The following NRXN1 variants were observed in gnomAD, a reference collection of about 807,000 sequenced individuals.
NRXN1 encodes the protein neurexin 1, also known as neurexin-1.
In NRXN1, 39 loss-of-function variants were observed where a neutral mutation model predicts 150.9. That is an observed-to-expected ratio of 0.26 (90% CI 0.20 to 0.34). The LOEUF is 0.34. Ranked by LOEUF, NRXN1 falls within the 10% of genes least tolerant of loss-of-function variation. NRXN1 has a pLI of 1.00. For synonymous variants in NRXN1, 924 were observed against 757.0 expected, an observed-to-expected ratio of 1.22 and a Z score of -3.62; for missense variants, 1,815 against 1,949.9, an observed-to-expected ratio of 0.93 and a Z score of 1.30.
At chr2:50,003,249 G>A (rs1482624830) in intron 21 of NRXN1, among the ~76,000 whole-genome samples, 1 of 152,038 alleles carries the variant, frequency 6.6e-6, no homozygotes, top group Non-Finnish European at 1.5e-5. Flanking sequence ...TCAGAGGCTT[G>A]GGGAAGAGAA....
intron 17 of NRXN1, among the ~76,000 whole-genome samples, chr2:50,293,911 G>A (rs1322544533): frequency 1.3e-5 from 2 of 152,164 alleles, no homozygotes; most frequent in Non-Finnish European, 1.5e-5. Context: ...ATTTTTCACA[G>A]TAACCTAAAT....
chr2:49,971,843 C>G (rs1443573509), intron 21 of NRXN1, among the ~76,000 whole-genome samples: 1 of 151,986 alleles, frequency 6.6e-6, no homozygotes, highest in Non-Finnish European at 1.5e-5. Context: ...CCTTAAGGTA[C>G]CAAAAGTAAA....
At chr2:49,978,789 T>C (rs925698182) in intron 21 of NRXN1, among the ~76,000 whole-genome samples, 6 of 151,566 alleles carry the variant, frequency 4.0e-5, no homozygotes, top group African/African-American at 1.5e-4. Flanking sequence ...GAAAACTACA[T>C]GTCACAATTC....
At chr2:50,456,980 T>C (rs1036849006) in intron 17 of NRXN1, among the ~76,000 whole-genome samples, 2 of 152,294 alleles carry the variant, frequency 1.3e-5, no homozygotes, top group Middle Eastern at 3.4e-3. Context: ...ACTATACAGA[T>C]TGTGAATCTG....
At chr2:50,886,476 G>C (rs1299125746) in intron 5 of NRXN1, among the ~76,000 whole-genome samples, 3 of 151,158 alleles carry the variant, frequency 2.0e-5, no homozygotes, top group Non-Finnish European at 1.5e-5. Flanking sequence ...ATTTGCATTA[G>C]GACACACAAA....
chr2:50,053,830 GAT>G (rs201635780), intron 20 of NRXN1, among the ~76,000 whole-genome samples: 3 of 152,110 alleles, frequency 2.0e-5, no homozygotes, highest in Non-Finnish European at 2.9e-5. Context: ...ACCAATCAAA[GAT>G]ATGTATTACA....
At chr2:50,912,461 T>G (rs879470054) in intron 5 of NRXN1, among the ~76,000 whole-genome samples, 3 of 151,964 alleles carry the variant, frequency 2.0e-5, no homozygotes, top group African/African-American at 4.8e-5. Flanking sequence ...TTGCAATAAA[T>G]CAAGATGATA....
intron 16 of NRXN1, among the ~76,000 whole-genome samples, chr2:50,465,791 A>G (rs757918255): frequency 1.6e-4 from 25 of 151,936 alleles, no homozygotes; most frequent in Admixed American, 1.1e-3. Context: ...CTAAACCAAC[A>G]AATAGCAAAA....
At chr2:50,530,467 A>G (rs1386253231) in intron 11 of NRXN1, among the ~76,000 whole-genome samples, 1 of 152,194 alleles carries the variant, frequency 6.6e-6, no homozygotes. Flanking sequence ...AACTGCTTAA[A>G]CAAATTTTAA....
At chr2:49,979,974 ATATGCTTT>A (rs1679715717) in intron 21 of NRXN1, among the ~76,000 whole-genome samples, 1 of 147,470 alleles carries the variant, frequency 6.8e-6, no homozygotes, top group South Asian at 2.1e-4. Context: ...ATCTAGGTAT[ATATGCTTT>A]GTAAAAAGCA....
chr2:50,694,794 C>G (rs4971689), intron 5 of NRXN1, among the ~76,000 whole-genome samples: 49,814 of 152,004 alleles, frequency 0.33, 8,794 homozygotes, highest in East Asian at 0.55. Flanking sequence ...AAAATGCTCT[C>G]TGGAACAAAA....
At chr2:50,846,864 G>A (rs1673732216) in intron 5 of NRXN1, among the ~76,000 whole-genome samples, 2 of 152,096 alleles carry the variant, frequency 1.3e-5, no homozygotes, top group African/African-American at 4.8e-5. Context: ...AGTTTTTTGT[G>A]GCATGAAAAG....
chr2:50,062,129 T>G (rs1275720672), intron 19 of NRXN1, among the ~76,000 whole-genome samples: 2 of 152,194 alleles, frequency 1.3e-5, no homozygotes, highest in East Asian at 3.8e-4. Flanking sequence ...CCCTCTATTT[T>G]GATTAAATCC....
intron 5 of NRXN1, among the ~76,000 whole-genome samples, chr2:50,828,822 G>C (rs1319098129): frequency 6.6e-6 from 1 of 152,138 alleles, no homozygotes; most frequent in African/African-American, 2.4e-5. Flanking sequence ...CTTCCCAGAC[G>C]GGGTGGCGGC....
intron 2 of NRXN1, among the ~76,000 whole-genome samples, chr2:50,975,221 A>C (rs1191384594): frequency 6.6e-6 from 1 of 152,150 alleles, no homozygotes. Context: ...TAATTTTCTC[A>C]ACTTTAATTT....
intron 17 of NRXN1, among the ~76,000 whole-genome samples, chr2:50,439,347 A>T (rs2085720276): frequency 6.6e-6 from 1 of 152,242 alleles, no homozygotes; most frequent in African/African-American, 2.4e-5. Flanking sequence ...ATAAATAGTC[A>T]TTGCTTTAAG....
In NRXN1 at chr2:50,373,679, A is replaced by AAGGAAGGAAAGAAAG. The variant is rs766534624; in HGVS notation, c.3364+91762_3364+91763insCTTTCTTTCCTTCCT. Among the ~76,000 whole-genome samples, 21 of 65,636 alleles carry AAGGAAGGAAAGAAAG rather than the reference A, an allele frequency of 3.2e-4. 1 individual carries two copies. The highest frequency in any genetic ancestry group is 1.3e-3 in the African/African-American group (21 of 16,602). 43.1% of individuals were successfully genotyped at this position (65,636 alleles called of 152,430 possible). The stretch of plus-strand genomic sequence containing the variant: ...GAAAGAAAGAAAGAAAGAAAGAAAG[A>AAGGAAGGAAAGAAAG]AAAGAAAGAAGGAAAGAAAGAAAGA... On this transcript the variant is annotated intron_variant, in intron 17 of 22. Coordinates refer to ENST00000401669, the MANE Select transcript of NRXN1 (RefSeq NM_001330078.2).
intron 12 of NRXN1, among the ~76,000 whole-genome samples, chr2:50,516,601 C>T (rs1383464734): frequency 2.6e-5 from 4 of 152,104 alleles, no homozygotes; most frequent in Middle Eastern, 3.2e-3. Flanking sequence ...CTTGGTGATA[C>T]ACCAATAACC....
At chr2:49,942,812 G>A (rs1672234415) in intron 22 of NRXN1, among the ~76,000 whole-genome samples, 1 of 152,092 alleles carries the variant, frequency 6.6e-6, no homozygotes, top group South Asian at 2.1e-4. Context: ...GTTTTGGCAT[G>A]TTGGCCAGGG....
Sources: gnomAD v4.1 joint callset for allele counts (sites outside exome capture counted in the v4.1 genomes callset) on GRCh38, gnomAD v4.1.1 for gene constraint, MANE v1.5 for transcripts, NCBI Gene and HGNC (gene_info 2026-07-23, HGNC 2026-07-21) for gene names.